Variants in HMCN2 observed in about 807,000 individuals in gnomAD.
HMCN2 encodes the protein hemicentin-2.
HMCN2 carries 325 observed loss-of-function variants against 377.5 expected under a neutral mutation model. That is an observed-to-expected ratio of 0.86 (90% CI 0.79 to 0.94). The LOEUF (loss-of-function observed/expected upper bound fraction) is 0.94. Ranked by LOEUF, HMCN2 falls within the 40% of genes least tolerant of loss-of-function variation. The pLI, the probability that HMCN2 is intolerant of heterozygous loss-of-function variation, is 0.00. For synonymous variants in HMCN2, 2,007 were observed against 2,046.8 expected (o/e 0.98, Z 0.53); for missense variants, 4,543 against 4,725.3 (o/e 0.96, Z 1.13).
intron 82 of HMCN2, chr9:130,406,393 G>C: frequency 2.9e-6 from 1 of 350,846 alleles, no homozygotes; most frequent in Non-Finnish European, 5.6e-6. Flanking sequence ...CACCTGAGAA[G>C]ACTCAACCCA....
In HMCN2 at chr9:130,355,866, G is replaced by A. The variant is rs1230778247; in HGVS notation, c.5255+12G>A. The A allele has an allele frequency of 3.9e-6, 5 of 1,282,198 alleles. No homozygotes were observed. In the Admixed American group the frequency reaches 1.2e-4, roughly 30 times the overall value. The allele number at this position is 1,282,198 out of a possible 1,614,324, so 79.4% of individuals were successfully genotyped here. On this transcript the variant is annotated intron_variant, in intron 33 of 97. Transcript: ENST00000683500. ...GTACCCACTATCCAGTGAGTCTGGG[G>A]TGGTGGAGGCCAGGGCTGGGGGTAG...
At position 130,424,169 on chromosome 9, in the gene HMCN2, A is replaced by ATTT. The variant is rs57296543; in HGVS notation, c.13382-595_13382-593dup. Among the ~76,000 whole-genome samples the ATTT allele has an allele frequency of 2.8e-4, 19 of 68,492 alleles. 1 individual carries two copies. Among genetic ancestry groups the ATTT allele is most frequent in the African/African-American group, 9.5e-4 (19 of 20,062 alleles). The allele number at this position is 68,492 out of a possible 152,430, so 44.9% of individuals were successfully genotyped here. On this transcript the variant is annotated intron_variant, in intron 87 of 97. Coordinates refer to ENST00000683500, the MANE Select transcript of HMCN2 (RefSeq NM_001291815.2). ...CTAATGTCCATATATATATATATAT[A>ATTT]TTTTTTTTTTTTTTAATTTTTTTTT...
Position 130,297,863 on chromosome 9 carries a change from G to A in HMCN2, c.1012+1069G>A, listed in dbSNP as rs569536996. Among the ~76,000 whole-genome samples, 22 of 152,276 alleles carry A rather than the reference G, an allele frequency of 1.4e-4. No homozygotes were observed. The Middle Eastern group carries it at 0.01, about 71-fold the overall frequency. ...GATATCCTATGTGTAGTGATGGCGCGGGGACTGAAAACTGGCCTGTCCCCA... is the reference window on the plus strand; with the variant it reads ...GATATCCTATGTGTAGTGATGGCGCAGGGACTGAAAACTGGCCTGTCCCCA... On this transcript the variant is annotated intron_variant, in intron 7 of 97. Coordinates refer to ENST00000683500, the MANE Select transcript of HMCN2 (RefSeq NM_001291815.2).
rs940274499 is a variant in HMCN2 at position 130,316,080 on chromosome 9, C to T, written c.2351-3415C>T. The stretch of plus-strand genomic sequence containing the variant: ...TGGGAAGTCCCCTCTGCTGCACCAC[C>T]GAGGGTGGTTCAGAGGCAGCGTGAA... On this transcript the variant is annotated intron_variant, in intron 15 of 97. Transcript: ENST00000683500. Among the ~76,000 whole-genome samples the T allele has an allele frequency of 2.0e-3, 310 of 152,288 alleles. 7 individuals carry two copies. The East Asian group carries it at 0.058, about 28-fold the overall frequency.
intron 75 of HMCN2, 119 bp downstream of exon 75, chr9:130,398,826 G>C: frequency 5.6e-6 from 5 of 885,776 alleles, no homozygotes; most frequent in Non-Finnish European, 7.6e-6. Flanking sequence ...CCGGAGTCAG[G>C]ACCAGAACTT....
In HMCN2 at chr9:130,418,827, C is replaced by T. The variant is rs886906470; in HGVS notation, c.13017C>T (p.Asp4339=). 45 of 1,532,358 alleles carry T rather than the reference C, an allele frequency of 2.9e-5. No individual in the cohort carries two copies. In the East Asian group the frequency reaches 7.4e-4, roughly 25 times the overall value. The allele number at this position is 1,532,358 out of a possible 1,614,324, so 94.9% of individuals were successfully genotyped here. A position where few individuals can be genotyped will look rare whatever the true frequency, so the allele number is the denominator to read the frequency against. The change falls in exon 86 of 98, where the codon GAC becomes GAT. Residue 4339 remains aspartate (D), a synonymous_variant. Coordinates refer to ENST00000683500, the MANE Select transcript of HMCN2 (RefSeq NM_001291815.2). ...PQDMTVRSGD[D]VALRCQATGE... is the part of the protein sequence containing the mutation. ...ACATGACAGTGAGATCTGGGGATGACGTGGCCCTGCGGTGCCAGGCCACTG... is the reference window on the plus strand; with the variant it reads ...ACATGACAGTGAGATCTGGGGATGATGTGGCCCTGCGGTGCCAGGCCACTG...
rs568478416 is a variant in HMCN2 at position 130,353,641 on chromosome 9, T to A, written c.4864+436T>A. Among the ~76,000 whole-genome samples, 4 of 152,348 alleles carry A rather than the reference T, an allele frequency of 2.6e-5. No individual in the cohort carries two copies. In the South Asian group the frequency reaches 8.3e-4, roughly 32 times the overall value. On this transcript the variant is annotated intron_variant, in intron 31 of 97. Coordinates refer to ENST00000683500, the MANE Select transcript of HMCN2 (RefSeq NM_001291815.2). ...GAGCTCTCATGTCCCCAGTTACAGA[T>A]GGTCGCAGTGAAGCTCTGGAGCAGA...
At chr9:130,391,822 C>T in intron 65 of HMCN2, 113 bp from the exon 66 acceptor site, 1 of 653,402 alleles carries the variant, frequency 1.5e-6, no homozygotes, top group Non-Finnish European at 1.9e-6. Context: ...CAAGGGACCA[C>T]TGTGGTTGCT....
rs1554918742 is a variant in HMCN2 at position 130,265,967 on chromosome 9, T to C, written c.89T>C (p.Met30Thr). 1.1e-5 allele frequency: 5 copies of C among 465,824 alleles called. No homozygotes were observed. The highest frequency in any genetic ancestry group is 1.8e-5 in the Non-Finnish European group (4 of 225,322). 28.9% of individuals were successfully genotyped at this position (465,824 alleles called of 1,614,324 possible). Reference protein sequence around the residue: ...VAVAGAPGTVMPPTTGDATLA... With the variant: ...VAVAGAPGTVTPPTTGDATLA... ...GTGGCCGGGGCGCCCGGGACGGTAA[T>C]GCCCCCCACCACGGGGGACGCCACC... is the stretch of plus-strand genomic sequence containing the variant. The change falls in exon 1 of 98, where the codon ATG (methionine) becomes ACG (threonine). Residue 30 changes from methionine (M) to threonine (T), a missense_variant. By Grantham distance (81) the Met-to-Thr change is moderately conservative. Coordinates refer to ENST00000683500, the MANE Select transcript of HMCN2 (RefSeq NM_001291815.2).
chr9:130,425,660 C>CCAACAACCCAACA, intron 89 of HMCN2, 27 bp from the exon 90 acceptor site: 1 of 1,169,720 alleles, frequency 8.5e-7, no homozygotes, highest in Non-Finnish European at 1.2e-6. Flanking sequence ...CACCCCTCCT[C>CCAACAACCCAACA]CTCCTCCCCT....
At chr9:130,280,814 A>G (rs1201637369) in intron 1 of HMCN2, among the ~76,000 whole-genome samples, 2 of 152,208 alleles carry the variant, frequency 1.3e-5, no homozygotes, top group Non-Finnish European at 2.9e-5. Flanking sequence ...TGGTAGAAAT[A>G]CAGGCAATTG....
Position 130,351,382 on chromosome 9 carries a change from C to A in HMCN2, c.4431-41C>A, listed in dbSNP as rs1418012241. The stretch of plus-strand genomic sequence containing the variant: ...TGTGTGCAGCGTGTCCCATCCAGCC[C>A]CTCGGCCTTACTGGCGCTTTTCCCT... On this transcript the variant is annotated intron_variant, in intron 29 of 97. Coordinates refer to ENST00000683500, the MANE Select transcript of HMCN2 (RefSeq NM_001291815.2). This position sits in a 1 kb window ranked among gnomAD's most constrained non-coding sequence, Gnocchi z 5.4. The A allele has an allele frequency of 3.9e-6, 5 of 1,283,042 alleles. No homozygotes were observed. Among genetic ancestry groups the A allele is most frequent in the Admixed American group, 2.3e-5 (1 of 42,650 alleles). 79.5% of individuals were successfully genotyped at this position (1,283,042 alleles called of 1,614,324 possible).
chr9:130,284,326 G>T (rs1260464626), intron 1 of HMCN2, among the ~76,000 whole-genome samples: 1 of 152,178 alleles, frequency 6.6e-6, no homozygotes, highest in Admixed American at 6.5e-5. Context: ...GTTGGGAGCT[G>T]CTGTCCGGAG....
At chr9:130,274,007 T>C (rs1165711814) in intron 1 of HMCN2, among the ~76,000 whole-genome samples, 2 of 152,040 alleles carry the variant, frequency 1.3e-5, no homozygotes, top group African/African-American at 2.4e-5. Flanking sequence ...TTTGTTGCAA[T>C]GTTTATAAGA....
In HMCN2 at chr9:130,368,376, C is replaced by G. The variant is rs992273243; in HGVS notation, c.6726C>G (p.Tyr2242Ter). ...CCCAGCTGGCTCAGGAAGGAACATA[C>G]ACCTGTGAATGCAGCAACGTGGTGG... is the stretch of plus-strand genomic sequence containing the variant. ...GQAQLAQEGT[Y>*]TCECSNVVGN... Residue 2242 changes from tyrosine (Y) to a stop codon, truncating the protein, a stop_gained, in exon 44 of 98, where the codon TAC (tyrosine) becomes TAG (stop). Coordinates refer to ENST00000683500, the MANE Select transcript of HMCN2 (RefSeq NM_001291815.2). LOFTEE classifies it high-confidence loss of function. 13 of 985,882 alleles carry G rather than the reference C, an allele frequency of 1.3e-5. No individual in the cohort carries two copies. Among genetic ancestry groups the G allele is most frequent in the Non-Finnish European group, 1.6e-5 (13 of 830,140 alleles). 61.1% of individuals were successfully genotyped at this position (985,882 alleles called of 1,614,324 possible).
chr9:130,383,663 TG>T (rs1225784705), intron 57 of HMCN2, 63 bp downstream of exon 57: 1 of 775,626 alleles, frequency 1.3e-6, no homozygotes, highest in East Asian at 1.3e-4. Context: ...GGCACTGCCT[TG>T]GGGCTTCCAG....
In HMCN2 at chr9:130,308,215, C is replaced by T. The variant is rs1191589396; in HGVS notation, c.2200+649C>T. ...CAGGTGACCCACTCGCCTCGGCTTC[C>T]CAAAGTGCTGGGATGACAGGCGTGA... On this transcript the variant is annotated intron_variant, in intron 14 of 97. Coordinates refer to ENST00000683500, the MANE Select transcript of HMCN2 (RefSeq NM_001291815.2). This position sits in a 1 kb window ranked among gnomAD's most constrained non-coding sequence, Gnocchi z 4.1. 2.6e-5 allele frequency among the ~76,000 whole-genome samples: 4 copies of T among 152,222 alleles called. No individual in the cohort carries two copies. Among genetic ancestry groups the T allele is most frequent in the African/African-American group, 9.6e-5 (4 of 41,454 alleles).
In HMCN2 at chr9:130,360,609, G is replaced by T; in HGVS notation, c.5950+5G>T. ...GGTATGGCCTACGGGTCAATGGTGA[G>T]CTTCCCTGGGCCTACAAGGTCCCTT... On this transcript the variant is annotated splice_donor_5th_base_variant and intron_variant, in intron 38 of 97. Transcript: ENST00000683500. This position sits in a 1 kb window ranked among gnomAD's most constrained non-coding sequence, Gnocchi z 4.7. 1 of 1,275,278 alleles carries T rather than the reference G, an allele frequency of 7.8e-7. No homozygotes were observed. The highest frequency in any genetic ancestry group is 1.0e-6 in the Non-Finnish European group (1 of 971,434). The allele number at this position is 1,275,278 out of a possible 1,614,324, so 79.0% of individuals were successfully genotyped here. A position where few individuals can be genotyped will look rare whatever the true frequency, so the allele number is the denominator to read the frequency against.
chr9:130,332,413 G>A (rs1256727209), intron 22 of HMCN2, among the ~76,000 whole-genome samples: 2 of 152,214 alleles, frequency 1.3e-5, no homozygotes, highest in Non-Finnish European at 2.9e-5. Flanking sequence ...TCTGCAAAAG[G>A]GGGTGTGGTA....
Sources: gnomAD v4.1 joint callset for allele counts (sites outside exome capture counted in the v4.1 genomes callset) on GRCh38, gnomAD v4.1.1 for gene constraint, Gnocchi (gnomAD v3.1) non-coding constraint, MANE v1.5 for transcripts, NCBI Gene and HGNC (gene_info 2026-07-23, HGNC 2026-07-21) for gene names.